TTC13: variants seen among roughly 807,000 people sequenced by gnomAD.
The protein encoded by TTC13 is tetratricopeptide repeat domain 13.
A neutral mutation model predicts 120.0 loss-of-function variants in TTC13; 62 were observed. The ratio of observed to expected loss-of-function variants is 0.52; its 90% CI spans 0.42 to 0.64. The LOEUF (loss-of-function observed/expected upper bound fraction) is 0.64, where lower values mean the gene tolerates loss of function less well. Among genes scored for constraint, TTC13 ranks in the 30% least tolerant of loss-of-function variants. The probability of loss-of-function intolerance (pLI) is 0.00; values close to 1 mark genes in which losing one functional copy is unlikely to be tolerated. For synonymous variants in TTC13, 384 were observed against 393.5 expected (o/e 0.98, Z 0.28); for missense variants, 824 against 1,050.2 (o/e 0.78, Z 2.98).
At position 230,978,118 on chromosome 1, in the gene TTC13, G is replaced by A. The variant is rs890357011; in HGVS notation, c.271+442C>T. On this transcript the variant is annotated intron_variant, in intron 1 of 22. Transcript: ENST00000366661. This position sits in a 1 kb window ranked among gnomAD's most constrained non-coding sequence, Gnocchi z 5.6. ...GAAGCCTGATTTCCAGGCCTAAGAT[G>A]TGCCAGGCGTCTCCCTCCGGGGGCG... Among the ~76,000 whole-genome samples, 5 of 152,204 alleles carry A rather than the reference G, an allele frequency of 3.3e-5. No homozygotes were observed. The highest frequency in any genetic ancestry group is 9.7e-5 in the African/African-American group (4 of 41,446).
intron 17 of TTC13, 62 bp downstream of exon 17, chr1:230,920,448 A>C (rs1394739571): frequency 2.5e-6 from 3 of 1,183,102 alleles, no homozygotes; most frequent in Non-Finnish European, 3.8e-6. Flanking sequence ...TCTTTTTAAA[A>C]AAGTGCTGTT....
chr1:230,963,422 T>C lies in TTC13; in HGVS notation c.272-2119A>G, dbSNP rs555441517. Among the ~76,000 whole-genome samples the C allele has an allele frequency of 1.4e-4, 11 of 80,156 alleles. No homozygotes were observed. In the South Asian group the frequency reaches 6.5e-3, roughly 47 times the overall value. 52.6% of individuals were successfully genotyped at this position (80,156 alleles called of 152,430 possible). On this transcript the variant is annotated intron_variant, in intron 1 of 22. Coordinates refer to ENST00000366661, the MANE Select transcript of TTC13 (RefSeq NM_024525.5). ...GGGAGGCTGAGGCAGGCCAATCCCTTGAGCCCAGGAGTTTGAGACCAACCT... is the reference window on the plus strand; with the variant it reads ...GGGAGGCTGAGGCAGGCCAATCCCTCGAGCCCAGGAGTTTGAGACCAACCT...
intron 14 of TTC13, 115 bp downstream of exon 14, chr1:230,924,726 T>G: frequency 1.7e-6 from 2 of 1,187,810 alleles, no homozygotes; most frequent in Non-Finnish European, 2.4e-6. Context: ...AAACCTAACT[T>G]GGAAGGCCTG....
At chr1:230,925,715 A>C in intron 12 of TTC13, 68 bp from the exon 13 acceptor site, 2 of 1,568,004 alleles carry the variant, frequency 1.3e-6, no homozygotes, top group South Asian at 2.2e-5. Flanking sequence ...ATTCCACCTG[A>C]GAAGCAGTCA....
chr1:230,947,897 TCA>T (rs1675160042), intron 4 of TTC13, among the ~76,000 whole-genome samples: 1 of 152,064 alleles, frequency 6.6e-6, no homozygotes. Context: ...GCTCTCCAGG[TCA>T]CACACCCCTC....
At chr1:230,945,478 C>A (rs761364941) in intron 4 of TTC13, 24 bp from the exon 5 acceptor site, 3 of 1,609,218 alleles carry the variant, frequency 1.9e-6, no homozygotes, top group Non-Finnish European at 1.7e-6. Flanking sequence ...AACAAAAACA[C>A]GTCAAAAACC....
chr1:230,938,905 C>T (rs1381615450), intron 8 of TTC13, among the ~76,000 whole-genome samples: 1 of 152,206 alleles, frequency 6.6e-6, no homozygotes, highest in African/African-American at 2.4e-5. Context: ...CCATACCCAA[C>T]TACTTCCCAC....
chr1:230,920,685 C>T (rs978406487), intron 16 of TTC13, 91 bp from the exon 17 acceptor site: 51 of 798,408 alleles, frequency 6.4e-5, no homozygotes, highest in Non-Finnish European at 8.5e-5. Flanking sequence ...AATAAATTGA[C>T]CTCAATTTTG....
Position 230,925,736 on chromosome 1 carries a change from G to T in TTC13, c.1458-89C>A, listed in dbSNP as rs1474970757. The stretch of plus-strand genomic sequence containing the variant: ...CCTGAGAAGCAGTCACTTCCTCCAC[G>T]GGAAAACTAATGAAGCAGTCTACGA... On this transcript the variant is annotated intron_variant, in intron 12 of 22. Coordinates refer to ENST00000366661, the MANE Select transcript of TTC13 (RefSeq NM_024525.5). The T allele has an allele frequency of 6.9e-6, 10 of 1,454,736 alleles. No homozygotes were observed. The East Asian group carries it at 2.3e-4, about 34-fold the overall frequency. 90.1% of individuals were successfully genotyped at this position (1,454,736 alleles called of 1,614,324 possible). A position where few individuals can be genotyped will look rare whatever the true frequency, so the allele number is the denominator to read the frequency against.
chr1:230,927,078 T>TTA (rs1478687628), intron 12 of TTC13, among the ~76,000 whole-genome samples: 1 of 152,246 alleles, frequency 6.6e-6, no homozygotes, highest in Non-Finnish European at 1.5e-5. Flanking sequence ...GGTCATTTGT[T>TTA]TATACTGCTG....
chr1:230,939,248 G>T lies in TTC13; in HGVS notation c.900+138C>A, dbSNP rs568329933. The T allele has an allele frequency of 2.5e-5, 12 of 478,342 alleles. 1 individual carries two copies. Among genetic ancestry groups the T allele is most frequent in the African/African-American group, 5.8e-5 (3 of 51,768 alleles). The allele number at this position is 478,342 out of a possible 1,614,324, so 29.6% of individuals were successfully genotyped here. The stretch of plus-strand genomic sequence containing the variant: ...TTAACCTTTGATCCTTTCCCTTTCT[G>T]TATCTCCCTCCAAGAACCCATCAAA... On this transcript the variant is annotated intron_variant, in intron 8 of 22. Transcript: ENST00000366661.
intron 13 of TTC13, 27 bp from the exon 14 acceptor site, chr1:230,925,000 T>C (rs754051915): frequency 6.2e-7 from 1 of 1,613,260 alleles, no homozygotes; most frequent in Non-Finnish European, 8.5e-7. Context: ...TCGAGAAGAG[T>C]TAGTACACTT....
chr1:230,916,483 G>A (rs1672042861), intron 17 of TTC13, among the ~76,000 whole-genome samples, 181 bp from the exon 18 acceptor site: 1 of 152,106 alleles, frequency 6.6e-6, no homozygotes, highest in Non-Finnish European at 1.5e-5. Flanking sequence ...CCCCAACAGA[G>A]CCCAGGTTAC....
At chr1:230,950,437 AAG>A (rs986119061) in intron 4 of TTC13, among the ~76,000 whole-genome samples, 11 of 152,250 alleles carry the variant, frequency 7.2e-5, no homozygotes, top group South Asian at 2.1e-4. Context: ...GCAAAAAAAA[AAG>A]AGTCTAATAT....
At chr1:230,965,959 C>A (rs1237847003) in intron 1 of TTC13, among the ~76,000 whole-genome samples, 1 of 152,114 alleles carries the variant, frequency 6.6e-6, no homozygotes, top group Non-Finnish European at 1.5e-5. Flanking sequence ...CTTAAATTTT[C>A]TCCTAATTAC....
intron 8 of TTC13, chr1:230,936,483 C>T (rs544107402): frequency 6.6e-6 from 2 of 302,568 alleles, no homozygotes; most frequent in African/African-American, 4.3e-5. Flanking sequence ...TCTCAGAAAA[C>T]TCTCAAAGTG....
chr1:230,920,067 C>T (rs772558617), intron 17 of TTC13, among the ~76,000 whole-genome samples: 49 of 152,206 alleles, frequency 3.2e-4, no homozygotes, highest in Non-Finnish European at 5.6e-4. Flanking sequence ...ACCTCCTTAG[C>T]TTAGCAAGAC....
intron 21 of TTC13, 45 bp downstream of exon 21, chr1:230,908,897 A>G (rs1671213719): frequency 6.2e-7 from 1 of 1,610,390 alleles, no homozygotes; most frequent in Non-Finnish European, 8.5e-7. Flanking sequence ...ATAAATTGGG[A>G]CTTAATACAT....
At chr1:230,949,072 C>A (rs1304185225) in intron 4 of TTC13, among the ~76,000 whole-genome samples, 1 of 152,106 alleles carries the variant, frequency 6.6e-6, no homozygotes, top group Non-Finnish European at 1.5e-5. Flanking sequence ...TCAGGGCCTA[C>A]TGTTAGCTAT....
Sources: allele counts gnomAD v4.1 joint callset (sites outside exome capture counted in the v4.1 genomes callset), GRCh38; gene constraint gnomAD v4.1.1; non-coding constraint Gnocchi (gnomAD v3.1); transcripts MANE v1.5; gene names NCBI Gene and HGNC (gene_info 2026-07-23, HGNC 2026-07-21).